The following C8orf34 variants were observed in gnomAD, a reference collection of about 807,000 sequenced individuals.
C8orf34 encodes the protein chromosome 8 open reading frame 34.
Under a neutral mutation model 68.3 loss-of-function variants are expected in C8orf34, and 65 were observed. The observed-to-expected ratio is 0.95, with a 90% CI of 0.78 to 1.17. The LOEUF is 1.17. C8orf34 is among the 50% of genes most tolerant of loss of function. The probability of loss-of-function intolerance (pLI) is 0.00; values close to 1 mark genes in which losing one functional copy is unlikely to be tolerated. For synonymous variants in C8orf34, 244 were observed against 241.2 expected, an observed-to-expected ratio of 1.01 and a Z score of -0.11; for missense variants, 664 against 655.4, an observed-to-expected ratio of 1.01 and a Z score of -0.14.
chr8:68,661,539 T>C (rs1361931866), intron 8 of C8orf34, among the ~76,000 whole-genome samples: 1 of 152,202 alleles, frequency 6.6e-6, no homozygotes, highest in Non-Finnish European at 1.5e-5. Flanking sequence ...CGAAAGATCT[T>C]AGCAAAGAGA....
chr8:68,575,315 T>C (rs1171307609), intron 7 of C8orf34, among the ~76,000 whole-genome samples: 1 of 152,110 alleles, frequency 6.6e-6, no homozygotes, highest in African/African-American at 2.4e-5. Context: ...CTAAAAGTAA[T>C]TTATACCAGC....
intron 11 of C8orf34, among the ~76,000 whole-genome samples, chr8:68,784,120 G>T (rs1823774603): frequency 6.6e-6 from 1 of 152,044 alleles, no homozygotes; most frequent in Admixed American, 6.6e-5. Flanking sequence ...TCGCATCCAG[G>T]ATCCACATTA....
intron 1 of C8orf34, among the ~76,000 whole-genome samples, chr8:68,419,576 C>G (rs1201380961): frequency 2.0e-5 from 3 of 151,554 alleles, no homozygotes; most frequent in Non-Finnish European, 4.4e-5. Context: ...TTGGAACCAA[C>G]CCAAATGTCC....
At chr8:68,369,644 G>T (rs1244729100) in intron 1 of C8orf34, among the ~76,000 whole-genome samples, 1 of 152,180 alleles carries the variant, frequency 6.6e-6, no homozygotes, top group Non-Finnish European at 1.5e-5. Context: ...AGCCACTTCA[G>T]TCTCATGAGC....
At chr8:68,440,687 A>G (rs765949324) in intron 2 of C8orf34, among the ~76,000 whole-genome samples, 36 of 152,182 alleles carry the variant, frequency 2.4e-4, no homozygotes, top group Middle Eastern at 3.2e-3. Context: ...GTTTGTAGGT[A>G]CTAAGATGGT....
chr8:68,707,282 C>G (rs556995357), intron 8 of C8orf34, among the ~76,000 whole-genome samples: 2 of 152,200 alleles, frequency 1.3e-5, no homozygotes, highest in East Asian at 3.9e-4. Context: ...CTTAAGGTAT[C>G]TGGAGGGCAC....
At chr8:68,702,194 A>G (rs74399920) in intron 8 of C8orf34, among the ~76,000 whole-genome samples, 3,453 of 152,170 alleles carry the variant, frequency 0.023, 133 homozygotes, top group African/African-American at 0.077. Context: ...CACCTGAAAC[A>G]GCTCCAGCCA....
At chr8:68,743,776 T>A (rs1265126754) in intron 10 of C8orf34, among the ~76,000 whole-genome samples, 4 of 152,008 alleles carry the variant, frequency 2.6e-5, no homozygotes, top group Non-Finnish European at 5.9e-5. Context: ...CAGTCTGAGA[T>A]CAAACTGCAA....
intron 1 of C8orf34, among the ~76,000 whole-genome samples, chr8:68,350,775 G>T (rs985876177): frequency 1.3e-5 from 2 of 151,800 alleles, no homozygotes; most frequent in Non-Finnish European, 2.9e-5. Flanking sequence ...GTCTGAAATT[G>T]TAACTTCTGC....
intron 7 of C8orf34, among the ~76,000 whole-genome samples, chr8:68,563,657 TAA>T (rs879672905): frequency 2.8e-5 from 4 of 143,200 alleles, no homozygotes; most frequent in Non-Finnish European, 3.1e-5. Flanking sequence ...GAGTTAAGAT[TAA>T]AAAAAAAAAA....
At chr8:68,531,808 A>G (rs1289317075) in intron 6 of C8orf34, among the ~76,000 whole-genome samples, 1 of 152,086 alleles carries the variant, frequency 6.6e-6, no homozygotes, top group Non-Finnish European at 1.5e-5. Context: ...GGTACATAGG[A>G]AGGTGGAATG....
At chr8:68,510,519 G>C (rs1002402380) in intron 5 of C8orf34, among the ~76,000 whole-genome samples, 3 of 152,086 alleles carry the variant, frequency 2.0e-5, no homozygotes, top group Non-Finnish European at 4.4e-5. Context: ...GAACAAGCAG[G>C]GTTAGTCTAA....
chr8:68,486,179 T>G (rs1813069602), intron 4 of C8orf34, among the ~76,000 whole-genome samples: 1 of 152,184 alleles, frequency 6.6e-6, no homozygotes, highest in African/African-American at 2.4e-5. Flanking sequence ...AAATGTATGA[T>G]TTATGTTAGG....
rs545120349 is a variant in C8orf34 at position 68,528,175 on chromosome 8, C to G, written c.939-4808C>G. Among the ~76,000 whole-genome samples, 334 of 152,270 alleles carry G rather than the reference C, an allele frequency of 2.2e-3. 1 individual carries two copies. Among genetic ancestry groups the G allele is most frequent in the African/African-American group, 8.0e-3 (331 of 41,556 alleles). ...CGTCAACATCATCGGTGATCCTTCCCCAAACCTGGCCTCTCACTTTCTTTA... is the reference window on the plus strand; with the variant it reads ...CGTCAACATCATCGGTGATCCTTCCGCAAACCTGGCCTCTCACTTTCTTTA... On this transcript the variant is annotated intron_variant, in intron 6 of 13. Transcript: ENST00000518698.
At chr8:68,516,999 A>G (rs1338834544) in intron 5 of C8orf34, among the ~76,000 whole-genome samples, 1 of 152,158 alleles carries the variant, frequency 6.6e-6, no homozygotes, top group Non-Finnish European at 1.5e-5. Context: ...AGGGACCTCT[A>G]TACTTGAAAG....
At chr8:68,420,388 G>A (rs1415627372) in intron 1 of C8orf34, among the ~76,000 whole-genome samples, 1 of 152,096 alleles carries the variant, frequency 6.6e-6, no homozygotes, top group Non-Finnish European at 1.5e-5. Flanking sequence ...TAAATTTTTT[G>A]AAATTGATTC....
intron 1 of C8orf34, among the ~76,000 whole-genome samples, chr8:68,395,916 G>A (rs1040216149): frequency 2.6e-5 from 4 of 152,072 alleles, no homozygotes; most frequent in African/African-American, 7.2e-5. Flanking sequence ...GGGAGAGGAA[G>A]TAAGTGTACA....
chr8:68,464,610 C>T (rs1586193861), intron 3 of C8orf34, among the ~76,000 whole-genome samples: 1 of 152,064 alleles, frequency 6.6e-6, no homozygotes, highest in Admixed American at 6.5e-5. Context: ...AGATATTGAT[C>T]AATGGAACAG....
intron 5 of C8orf34, among the ~76,000 whole-genome samples, chr8:68,500,152 C>T (rs1466771514): frequency 1.3e-5 from 2 of 152,154 alleles, no homozygotes; most frequent in Non-Finnish European, 2.9e-5. Flanking sequence ...TAAACCTCTT[C>T]TTAAAATAAA....
Sources: allele counts gnomAD v4.1 joint callset (sites outside exome capture counted in the v4.1 genomes callset), GRCh38; gene constraint gnomAD v4.1.1; transcripts MANE v1.5; gene names NCBI Gene and HGNC (gene_info 2026-07-23, HGNC 2026-07-21).